GBP6: variants seen among roughly 807,000 people sequenced by gnomAD.
GBP6 encodes the protein guanylate-binding protein 6.
A neutral mutation model predicts 61.5 loss-of-function variants in GBP6; 54 were observed. The observed-to-expected ratio is 0.88, with a 90% CI of 0.71 to 1.10. The LOEUF is 1.10. Among genes scored for constraint, GBP6 ranks in the 50% least tolerant of loss-of-function variants. GBP6 has a pLI of 0.00. For missense variants in GBP6, 748 were observed against 752.8 expected, an observed-to-expected ratio of 0.99 and a Z score of 0.07; for synonymous variants, 255 against 273.7, an observed-to-expected ratio of 0.93 and a Z score of 0.67.
chr1:89,385,549 T>TC lies in GBP6; in HGVS notation c.*80_*81insC. On this transcript the variant is annotated 3_prime_UTR_variant, in exon 11 of 11. Transcript: ENST00000370456. ...TCATTTTCATTCAGCAAGTTTTTTT[T>TC]TTTTTTCAGAGTCTTACTCTGTTGC... 15 of 1,434,672 alleles carry TC rather than the reference T, an allele frequency of 1.0e-5. No homozygotes were observed. Among genetic ancestry groups the TC allele is most frequent in the Non-Finnish European group, 1.4e-5 (15 of 1,071,346 alleles). 88.9% of individuals were successfully genotyped at this position (1,434,672 alleles called of 1,614,324 possible).
At chr1:89,373,586 G>C (rs551424007) in intron 3 of GBP6, among the ~76,000 whole-genome samples, 1 of 152,080 alleles carries the variant, frequency 6.6e-6, no homozygotes, top group African/African-American at 2.4e-5. Context: ...AACACCACAT[G>C]TTCTCACTCA....
In GBP6 at chr1:89,383,685, C is replaced by T. The variant is rs1245447295; in HGVS notation, c.1399C>T (p.Gln467Ter). 6.2e-7 allele frequency: 1 copy of T among 1,610,840 alleles called. No homozygotes were observed. Among genetic ancestry groups the T allele is most frequent in the East Asian group, 2.2e-5 (1 of 44,878 alleles). Residue 467 changes from glutamine to a stop codon, truncating the protein, a stop_gained, in exon 9 of 11, where the codon CAG becomes TAG. Transcript: ENST00000370456. LOFTEE classifies it high-confidence loss of function. ...GGTCTTCCAGAGGTTCCTGGAGTCA[C>T]AGATGGTGATAGAGGAATCCATCTT... ...KEVFQRFLES[Q>*]MVIEESILQS...
intron 1 of GBP6, among the ~76,000 whole-genome samples, chr1:89,366,110 G>A (rs577445767): frequency 1.2e-4 from 18 of 152,006 alleles, no homozygotes; most frequent in South Asian, 4.2e-4. Flanking sequence ...CTTTCACCTC[G>A]ATTCACCCAA....
At chr1:89,373,770 A>C (rs1378582807) in intron 3 of GBP6, among the ~76,000 whole-genome samples, 1 of 152,054 alleles carries the variant, frequency 6.6e-6, no homozygotes, top group Non-Finnish European at 1.5e-5. Flanking sequence ...CATATGTAAC[A>C]AACCTGCATG....
intron 2 of GBP6, 52 bp from the exon 3 acceptor site, chr1:89,369,494 C>T (rs377663961): frequency 4.0e-5 from 63 of 1,581,152 alleles, no homozygotes; most frequent in South Asian, 2.0e-4. Flanking sequence ...GGCCCCAGGG[C>T]GGCTTGGCTG....
At chr1:89,378,846 A>T (rs1436544727) in intron 5 of GBP6, among the ~76,000 whole-genome samples, 1 of 152,196 alleles carries the variant, frequency 6.6e-6, no homozygotes, top group East Asian at 1.9e-4. Flanking sequence ...TACAATTAGT[A>T]CCTCAGCATT....
At chr1:89,371,519 C>G (rs976886627) in intron 3 of GBP6, among the ~76,000 whole-genome samples, 10 of 152,150 alleles carry the variant, frequency 6.6e-5, no homozygotes, top group Non-Finnish European at 1.3e-4. Context: ...ATATGCAAAT[C>G]AATAAACATA....
At chr1:89,382,046 T>C in intron 7 of GBP6, 72 bp downstream of exon 7, 3 of 1,383,350 alleles carry the variant, frequency 2.2e-6, no homozygotes, top group Non-Finnish European at 3.0e-6. Context: ...GCCTTTATTG[T>C]CACCAATGCT....
chr1:89,381,266 CAA>C lies in GBP6; in HGVS notation c.872-407_872-406del, dbSNP rs769164915. Among the ~76,000 whole-genome samples the C allele has an allele frequency of 2.7e-4, 14 of 51,206 alleles. No homozygotes were observed. In the East Asian group the frequency reaches 4.2e-3, roughly 15 times the overall value. The allele number at this position is 51,206 out of a possible 152,430, so 33.6% of individuals were successfully genotyped here. ...CACCACTGCACTCCAGCCTGGGCCT[CAA>C]AAAAAAAAAAAAAAAAAAAAGTCTA... is the stretch of plus-strand genomic sequence containing the variant. On this transcript the variant is annotated intron_variant, in intron 6 of 10. Coordinates refer to ENST00000370456, the MANE Select transcript of GBP6 (RefSeq NM_198460.3).
chr1:89,368,900 A>T (rs1483826917), intron 2 of GBP6, among the ~76,000 whole-genome samples, 159 bp downstream of exon 2: 3 of 152,052 alleles, frequency 2.0e-5, no homozygotes, highest in African/African-American at 7.2e-5. Context: ...CCTTACGATA[A>T]TCCATTCTCA....
intron 5 of GBP6, among the ~76,000 whole-genome samples, chr1:89,379,733 T>C (rs1163683213): frequency 6.6e-6 from 1 of 152,238 alleles, no homozygotes; most frequent in Non-Finnish European, 1.5e-5. Context: ...CTTTCATTTT[T>C]CTATTTATGC....
chr1:89,364,470 C>T (rs542026862), intron 1 of GBP6, among the ~76,000 whole-genome samples: 3 of 152,178 alleles, frequency 2.0e-5, no homozygotes, highest in Non-Finnish European at 2.9e-5. Flanking sequence ...GCAATTATAC[C>T]GGAAGGGAGA....
intron 3 of GBP6, among the ~76,000 whole-genome samples, chr1:89,370,444 G>C (rs938305922): frequency 1.3e-5 from 2 of 152,136 alleles, no homozygotes; most frequent in Admixed American, 1.3e-4. Flanking sequence ...GGAAGGCTTT[G>C]AGACATTTCT....
At position 89,374,580 on chromosome 1, in the gene GBP6, C is replaced by T. The variant is rs188697864; in HGVS notation, c.319-3523C>T. On this transcript the variant is annotated intron_variant, in intron 3 of 10. Transcript: ENST00000370456. Reference sequence around the variant, plus strand: ...ATGTTCTCTTATTTTATATTCTTGCCGACAATTGTTATTTTTAACTCCTTT... The same window carrying T: ...ATGTTCTCTTATTTTATATTCTTGCTGACAATTGTTATTTTTAACTCCTTT... 2.9e-3 allele frequency among the ~76,000 whole-genome samples: 447 copies of T among 152,004 alleles called. 2 individuals are homozygous for T. Among genetic ancestry groups the T allele is most frequent in the Middle Eastern group, 0.01 (3 of 294 alleles).
At position 89,387,202 on chromosome 1, in the gene GBP6, C is replaced by T. The variant is rs546079284; in HGVS notation, c.*1733C>T. ...TTTCCCAAGTTCTCCTCCTAGGAAA[C>T]GTCTGGAGCCATTTACTAGATATCC... On this transcript the variant is annotated 3_prime_UTR_variant, in exon 11 of 11. Coordinates refer to ENST00000370456, the MANE Select transcript of GBP6 (RefSeq NM_198460.3). Among the ~76,000 whole-genome samples the T allele has an allele frequency of 5.3e-5, 8 of 152,226 alleles. No homozygotes were observed. In the South Asian group the frequency reaches 6.2e-4, roughly 12 times the overall value.
At chr1:89,381,190 C>A (rs568909908) in intron 6 of GBP6, among the ~76,000 whole-genome samples, 443 of 144,776 alleles carry the variant, frequency 3.1e-3, no homozygotes, top group Non-Finnish European at 5.7e-3. Context: ...GAGGCTGAGG[C>A]AGGAGAATCA....
At chr1:89,365,625 G>A (rs571508754) in intron 1 of GBP6, among the ~76,000 whole-genome samples, 1 of 152,314 alleles carries the variant, frequency 6.6e-6, no homozygotes, top group South Asian at 2.1e-4. Context: ...TGGACCAATT[G>A]TTATTGTAAT....
Position 89,378,491 on chromosome 1 carries a change from A to T in GBP6, c.503A>T (p.Glu168Val). The T allele has an allele frequency of 1.2e-6, 2 of 1,614,136 alleles. No homozygotes were observed. Among genetic ancestry groups the T allele is most frequent in the Middle Eastern group, 3.3e-4 (2 of 6,062 alleles). Residue 168 changes from glutamate (E) to valine (V), a missense_variant, in exon 5 of 11, where the codon GAG becomes GTG. Coordinates refer to ENST00000370456, the MANE Select transcript of GBP6 (RefSeq NM_198460.3). ...PRPDGVEDST[E>V]FVSFFPDFLW... The stretch of plus-strand genomic sequence containing the variant: ...CCTGATGGAGTAGAAGATTCCACAG[A>T]GTTTGTGAGTTTCTTCCCAGACTTT...
chr1:89,383,500 G>T (rs1557543735), intron 8 of GBP6, 152 bp from the exon 9 acceptor site: 2 of 590,434 alleles, frequency 3.4e-6, no homozygotes, highest in East Asian at 6.4e-5. Flanking sequence ...GAGGGGCTCT[G>T]GTCACCCTAA....
Sources: allele counts gnomAD v4.1 joint callset (sites outside exome capture counted in the v4.1 genomes callset), GRCh38; gene constraint gnomAD v4.1.1; transcripts MANE v1.5; gene names NCBI Gene and HGNC (gene_info 2026-07-23, HGNC 2026-07-21).